Variants in DST observed in about 807,000 individuals in gnomAD.
DST encodes bullous pemphigoid antigen.
DST carries 253 observed loss-of-function variants against 875.2 expected under a neutral mutation model. The ratio of observed to expected loss-of-function variants is 0.29; its 90% confidence interval spans 0.26 to 0.32. DST has a LOEUF of 0.32. DST is among the 10% of genes least tolerant of loss of function. The probability of loss-of-function intolerance (pLI) is 1.00; values close to 1 mark genes in which losing one functional copy is unlikely to be tolerated. For missense variants in DST, 8,287 were observed against 9,111.6 expected (o/e 0.91, Z 3.68); for synonymous variants, 3,124 against 3,197.1 (o/e 0.98, Z 0.77).
chr6:56,725,649 T>C (rs2152919059), intron 5 of DST, among the ~76,000 whole-genome samples: 1 of 152,324 alleles, frequency 6.6e-6, no homozygotes, highest in South Asian at 2.1e-4. Context: ...CTTTCTCCTC[T>C]AGTATATGGC....
chr6:56,639,976 C>T lies in DST; in HGVS notation c.2572G>A (p.Ala858Thr), dbSNP rs761788534. ...HLENHKNVHR[A>T]IEEFESSLKE... Reference sequence around the variant, plus strand: ...AGACTAGATTCAAATTCTTCAATAGCTCTATGAACATTTTTATGATTTTCT... The same window carrying T: ...AGACTAGATTCAAATTCTTCAATAGTTCTATGAACATTTTTATGATTTTCT... The change falls in exon 19 of 104, where the codon GCT becomes ACT. Residue 858 changes from alanine to threonine, a missense_variant. Around this residue, in one of 10 missense-constraint regions of DST, gnomAD observed 1,160 missense variants for 1,424.3 expected, o/e 0.81. Coordinates refer to ENST00000680361, the MANE Select transcript of DST (RefSeq NM_001374736.1). The T allele has an allele frequency of 6.2e-7, 1 of 1,613,486 alleles. No individual in the cohort carries two copies. Among genetic ancestry groups the T allele is most frequent in the Non-Finnish European group, 8.5e-7 (1 of 1,179,690 alleles).
rs189544324 is a variant in DST, at chr6:56,571,285, C to T, written c.13721+815G>A. Among the ~76,000 whole-genome samples the T allele has an allele frequency of 4.7e-3, 722 of 152,222 alleles. 8 individuals carry two copies. Among genetic ancestry groups the T allele is most frequent in the African/African-American group, 0.017 (695 of 41,536 alleles). On this transcript the variant is annotated intron_variant, in intron 53 of 103. Coordinates refer to ENST00000680361, the MANE Select transcript of DST (RefSeq NM_001374736.1). ...TAACTACATTATTTTAAAGTTGGAC[C>T]CATTTGAAAGAAGAAACAACCTAGA...
intron 45 of DST, among the ~76,000 whole-genome samples, chr6:56,599,692 TAAG>T (rs2098425165): frequency 6.6e-6 from 1 of 151,918 alleles, no homozygotes; most frequent in African/African-American, 2.4e-5. Context: ...AAAGAAGGAG[TAAG>T]AAGGAGCTAA....
Position 56,640,297 on chromosome 6 carries a change from C to G in DST, c.2336G>C (p.Ser779Thr). The change falls in exon 18 of 104, where the codon AGT becomes ACT. Residue 779 changes from serine to threonine, a missense_variant. Physicochemically the swap from Ser to Thr is moderately conservative, Grantham distance 58 (BLOSUM62 1). This residue lies in a region of DST where 1,160 missense variants were observed against 1,424.3 expected (regional missense o/e 0.81). Transcript: ENST00000680361. Reference protein sequence around the residue: ...GFPSGLVPNFSSGVEPNSLQT... With the variant: ...GFPSGLVPNFTSGVEPNSLQT... ...CAATGAATTTGGCTCTACTCCTGAA[C>G]TGAAATTTGGAACTAATCCTGATGG... The G allele has an allele frequency of 1.2e-6, 2 of 1,614,144 alleles. No individual in the cohort carries two copies. Among genetic ancestry groups the G allele is most frequent in the East Asian group, 2.2e-5 (1 of 44,878 alleles).
intron 28 of DST, 135 bp downstream of exon 28, chr6:56,632,719 C>A: frequency 2.8e-6 from 2 of 720,626 alleles, no homozygotes; most frequent in Admixed American, 2.3e-5. Flanking sequence ...ATGCTTTTAC[C>A]GTTCCACCAA....
chr6:56,611,055 T>C (rs1033063913), intron 38 of DST, among the ~76,000 whole-genome samples: 1 of 152,174 alleles, frequency 6.6e-6, no homozygotes, highest in African/African-American at 2.4e-5. Context: ...ATTCCTTCCC[T>C]GAGTGAAACA....
intron 61 of DST, among the ~76,000 whole-genome samples, chr6:56,539,105 C>G (rs1264982179): frequency 6.6e-6 from 1 of 152,038 alleles, no homozygotes; most frequent in African/African-American, 2.4e-5. Flanking sequence ...TTTATTTTCC[C>G]TCTTATATAG....
intron 61 of DST, among the ~76,000 whole-genome samples, chr6:56,539,194 G>A (rs906745617): frequency 6.6e-6 from 1 of 151,672 alleles, no homozygotes; most frequent in Non-Finnish European, 1.5e-5. Context: ...TAATTTCAGG[G>A]GTTTATATTG....
Position 56,670,954 on chromosome 6 carries a change from G to C in DST, c.1048-147C>G, listed in dbSNP as rs576575731. On this transcript the variant is annotated intron_variant, in intron 9 of 103. Coordinates refer to ENST00000680361, the MANE Select transcript of DST (RefSeq NM_001374736.1). ...TGAGATTGTTAAGAGATTTGAATGA[G>C]ATAACATGTGTACAGCACTTAAGAG... is the stretch of plus-strand genomic sequence containing the variant. 208 of 510,078 alleles carry C rather than the reference G, an allele frequency of 4.1e-4. 4 individuals are homozygous for C. In the South Asian group the frequency reaches 7.3e-3, roughly 18 times the overall value. The allele number at this position is 510,078 out of a possible 1,614,324, so 31.6% of individuals were successfully genotyped here.
At chr6:56,895,080 C>T (rs1790493528) in intron 3 of DST, among the ~76,000 whole-genome samples, 2 of 102,934 alleles carry the variant, frequency 1.9e-5, no homozygotes, top group African/African-American at 5.2e-5. Context: ...GGCAGAGGGG[C>T]TCCTCACTTC....
chr6:56,495,803 G>A (rs530419597), intron 82 of DST, among the ~76,000 whole-genome samples: 121 of 152,058 alleles, frequency 8.0e-4, no homozygotes, highest in African/African-American at 2.7e-3. Context: ...ATTCTACACC[G>A]AATTAGTAGG....
At position 56,578,798 on chromosome 6, in the gene DST, G is replaced by T. The variant is rs891488287; in HGVS notation, c.13027+16C>A. On this transcript the variant is annotated intron_variant, in intron 50 of 103. Coordinates refer to ENST00000680361, the MANE Select transcript of DST (RefSeq NM_001374736.1). ...ATTTACCTGTGAGACAGGAAGCAAG[G>T]ACATGAATATCTTACCAAGTGTTTT... 5 of 1,610,898 alleles carry T rather than the reference G, an allele frequency of 3.1e-6. No individual in the cohort carries two copies. In the South Asian group the frequency reaches 4.4e-5, roughly 14 times the overall value.
At chr6:56,926,698 G>A (rs1200129712) in intron 2 of DST, among the ~76,000 whole-genome samples, 3 of 152,120 alleles carry the variant, frequency 2.0e-5, no homozygotes. Flanking sequence ...GTTAAGTGGC[G>A]ACCCTCTTTT....
chr6:56,477,232 T>A (rs2095238576), intron 91 of DST, 113 bp downstream of exon 91: 1 of 1,160,698 alleles, frequency 8.6e-7, no homozygotes, highest in Non-Finnish European at 1.2e-6. Flanking sequence ...ACGTTTTCTA[T>A]GTAGAGGTCT....
At chr6:56,667,208 C>T (rs2152821979) in intron 10 of DST, among the ~76,000 whole-genome samples, 1 of 152,198 alleles carries the variant, frequency 6.6e-6, no homozygotes, top group South Asian at 2.1e-4. Context: ...GGGCACCCAG[C>T]CAAGACATTA....
chr6:56,633,546 T>C (rs983986999), intron 27 of DST, among the ~76,000 whole-genome samples: 1 of 144,680 alleles, frequency 6.9e-6, no homozygotes, highest in African/African-American at 2.6e-5. Context: ...TTCACTCTTA[T>C]TGCCCAGGCT....
chr6:56,630,467 A>G, intron 30 of DST, 84 bp from the exon 31 acceptor site: 10 of 1,131,172 alleles, frequency 8.8e-6, no homozygotes, highest in Non-Finnish European at 1.2e-5. Context: ...ATTATGACAC[A>G]TGACATAACA....
intron 78 of DST, among the ~76,000 whole-genome samples, chr6:56,502,078 A>C (rs1322229968): frequency 1.3e-5 from 2 of 152,164 alleles, no homozygotes; most frequent in East Asian, 3.8e-4. Context: ...AAAAGTCTTA[A>C]GAAACTCAAA....
chr6:56,919,008 C>T (rs778615575), intron 2 of DST, among the ~76,000 whole-genome samples: 8 of 151,314 alleles, frequency 5.3e-5, no homozygotes, highest in South Asian at 2.1e-4. Context: ...TTTTTTTCTC[C>T]GAATTATTTT....
Sources: allele counts gnomAD v4.1 joint callset (sites outside exome capture counted in the v4.1 genomes callset), GRCh38; gene constraint gnomAD v4.1.1; regional missense constraint gnomAD v4.1.1; transcripts MANE v1.5; gene names NCBI Gene and HGNC (gene_info 2026-07-23, HGNC 2026-07-21).